RGS17: variants seen among roughly 807,000 people sequenced by gnomAD.
The protein encoded by RGS17 is regulator of G protein signaling 17, also known as regulator of G-protein signaling 17.
In RGS17, 12 loss-of-function variants were observed where a neutral mutation model predicts 25.5. That is an observed-to-expected ratio of 0.47 (90% CI 0.30 to 0.76). The LOEUF (loss-of-function observed/expected upper bound fraction) is 0.76. Ranked by LOEUF, RGS17 falls within the 30% of genes least tolerant of loss-of-function variation. The probability of loss-of-function intolerance (pLI) is 0.07; values close to 1 mark genes in which losing one functional copy is unlikely to be tolerated. For missense variants in RGS17, 196 were observed against 242.2 expected, an observed-to-expected ratio of 0.81 and a Z score of 1.27; for synonymous variants, 71 against 76.9, an observed-to-expected ratio of 0.92 and a Z score of 0.40.
At chr6:153,123,018 TATTTAA>T (rs1777658537) in intron 1 of RGS17, among the ~76,000 whole-genome samples, 1 of 108,308 alleles carries the variant, frequency 9.2e-6, no homozygotes, top group Non-Finnish European at 1.9e-5. Context: ...TACATTGGAG[TATTTAA>T]TACTCCAATG....
intron 4 of RGS17, among the ~76,000 whole-genome samples, chr6:153,020,109 A>ATATATATATATATAT (rs1371960019): frequency 6.6e-5 from 4 of 60,872 alleles, no homozygotes; most frequent in African/African-American, 1.4e-4. Flanking sequence ...TTAAAAAAAA[A>ATATATATATATATAT]AAATATATAT....
Position 153,130,868 on chromosome 6 carries a change from G to A in RGS17, c.-26+256C>T, listed in dbSNP as rs915665908. On this transcript the variant is annotated intron_variant, in intron 1 of 4. Transcript: ENST00000206262. This position sits in a 1 kb window ranked among gnomAD's most constrained non-coding sequence, Gnocchi z 6.4. ...CTGCAGCAGCTGAGGGCGGCGAGCG[G>A]ACCGCGTCCAGGCAGCGACGCGGGA... is the stretch of plus-strand genomic sequence containing the variant. Among the ~76,000 whole-genome samples the A allele has an allele frequency of 6.6e-6, 1 of 151,872 alleles. No homozygotes were observed. Among genetic ancestry groups the A allele is most frequent in the Non-Finnish European group, 1.5e-5 (1 of 67,926 alleles).
chr6:153,045,117 A>G (rs1171553530), intron 1 of RGS17, among the ~76,000 whole-genome samples: 2 of 152,238 alleles, frequency 1.3e-5, no homozygotes, highest in African/African-American at 4.8e-5. Context: ...AATGATAAAC[A>G]CTTTAAAAAA....
chr6:153,093,476 A>G (rs1193839563), intron 1 of RGS17, among the ~76,000 whole-genome samples: 1 of 152,138 alleles, frequency 6.6e-6, no homozygotes, highest in East Asian at 1.9e-4. Context: ...TGTTCACTTT[A>G]TCTTCCACAA....
intron 1 of RGS17, among the ~76,000 whole-genome samples, chr6:153,072,357 G>T (rs1435479494): frequency 1.3e-5 from 2 of 152,156 alleles, no homozygotes; most frequent in Non-Finnish European, 2.9e-5. Context: ...GTGTTACCCA[G>T]TTGGGTAGAA....
intron 1 of RGS17, among the ~76,000 whole-genome samples, chr6:153,127,054 G>A (rs1231033239): frequency 3.3e-5 from 5 of 152,164 alleles, no homozygotes; most frequent in South Asian, 2.1e-4. Flanking sequence ...ACTGTTCCAC[G>A]TCAGCTCATC....
At chr6:153,030,950 A>G (rs1779355935) in intron 2 of RGS17, among the ~76,000 whole-genome samples, 2 of 152,222 alleles carry the variant, frequency 1.3e-5, no homozygotes, top group South Asian at 4.1e-4. Flanking sequence ...GAATTGAGAA[A>G]GGCTTCACAG....
At chr6:153,020,958 GA>G (rs1779242360) in intron 4 of RGS17, among the ~76,000 whole-genome samples, 1 of 152,186 alleles carries the variant, frequency 6.6e-6, no homozygotes, top group South Asian at 2.1e-4. Flanking sequence ...CCATTAGGTA[GA>G]GAGGATGAAG....
chr6:153,012,595 CATGGTTGGAGGAA>C (rs1779145116), intron 4 of RGS17, among the ~76,000 whole-genome samples: 1 of 152,118 alleles, frequency 6.6e-6, no homozygotes, highest in Non-Finnish European at 1.5e-5. Flanking sequence ...GCAATAAGGG[CATGGTTGGAGGAA>C]CAGAACTAAA....
At chr6:153,101,288 G>C (rs1051746959) in intron 1 of RGS17, among the ~76,000 whole-genome samples, 1 of 152,096 alleles carries the variant, frequency 6.6e-6, no homozygotes, top group Non-Finnish European at 1.5e-5. Context: ...TGCAAGTACA[G>C]TATTCACAGG....
intron 1 of RGS17, among the ~76,000 whole-genome samples, chr6:153,127,650 G>A (rs904954151): frequency 1.3e-5 from 2 of 152,024 alleles, no homozygotes; most frequent in African/African-American, 2.4e-5. Context: ...TGTATCGTAG[G>A]GGATCTAAGA....
chr6:153,079,419 G>A (rs1294758432), intron 1 of RGS17, among the ~76,000 whole-genome samples: 1 of 152,172 alleles, frequency 6.6e-6, no homozygotes, highest in Non-Finnish European at 1.5e-5. Flanking sequence ...AAAGGAAGCA[G>A]ATTTCACCAC....
At chr6:153,082,258 A>C (rs978539367) in intron 1 of RGS17, among the ~76,000 whole-genome samples, 1 of 152,210 alleles carries the variant, frequency 6.6e-6, no homozygotes, top group Non-Finnish European at 1.5e-5. Flanking sequence ...TACAGAATTC[A>C]TCAAATTTGG....
intron 1 of RGS17, among the ~76,000 whole-genome samples, chr6:153,053,972 T>C (rs1308854290): frequency 0.23 from 13,953 of 60,750 alleles, 3,217 homozygotes; most frequent in Non-Finnish European, 0.29. Flanking sequence ...TATATACATA[T>C]ATATGTATAT....
chr6:153,037,715 C>G (rs1321912034), intron 2 of RGS17, among the ~76,000 whole-genome samples: 2 of 152,184 alleles, frequency 1.3e-5, no homozygotes, highest in African/African-American at 4.8e-5. Flanking sequence ...TAAGCCACCA[C>G]ACCCGGCCTA....
At chr6:153,083,933 A>C (rs1360103260) in intron 1 of RGS17, among the ~76,000 whole-genome samples, 1 of 152,232 alleles carries the variant, frequency 6.6e-6, no homozygotes, top group African/African-American at 2.4e-5. Flanking sequence ...AATATTAAAA[A>C]TCATTGTAAA....
intron 1 of RGS17, among the ~76,000 whole-genome samples, chr6:153,090,538 G>T (rs1777113240): frequency 6.6e-6 from 1 of 151,392 alleles, no homozygotes; most frequent in Non-Finnish European, 1.5e-5. Flanking sequence ...AGGATCACTT[G>T]AACCCAGGAA....
intron 1 of RGS17, among the ~76,000 whole-genome samples, chr6:153,076,823 C>T (rs9479495): frequency 0.23 from 35,028 of 151,910 alleles, 4,567 homozygotes; most frequent in Non-Finnish European, 0.3. Flanking sequence ...CAGAAAAGTG[C>T]GAGCTAATGA....
At chr6:153,048,692 G>T (rs768919653) in intron 1 of RGS17, among the ~76,000 whole-genome samples, 60 of 152,096 alleles carry the variant, frequency 3.9e-4, no homozygotes, top group Non-Finnish European at 6.8e-4. Flanking sequence ...CACACTTAGG[G>T]TTTCACTCCT....
Sources: allele counts gnomAD v4.1 joint callset (sites outside exome capture counted in the v4.1 genomes callset), GRCh38; gene constraint gnomAD v4.1.1; non-coding constraint Gnocchi (gnomAD v3.1); transcripts MANE v1.5; gene names NCBI Gene and HGNC (gene_info 2026-07-23, HGNC 2026-07-21).